Variants in SOX5 observed in about 807,000 individuals in gnomAD.
The protein encoded by SOX5 is transcription factor SOX-5.
In SOX5, 9 loss-of-function variants were observed where a neutral mutation model predicts 92.0. That is an observed-to-expected ratio of 0.10 (90% CI 0.06 to 0.17). The LOEUF (loss-of-function observed/expected upper bound fraction) is 0.17. Ranked by LOEUF, SOX5 falls within the 10% of genes least tolerant of loss-of-function variation. The probability of loss-of-function intolerance (pLI) is 1.00; values close to 1 mark genes in which losing one functional copy is unlikely to be tolerated. For synonymous variants in SOX5, 344 were observed against 336.3 expected (o/e 1.02, Z -0.25); for missense variants, 642 against 944.5 (o/e 0.68, Z 4.20).
chr12:23,575,167 G>C (rs1431560506), intron 10 of SOX5, among the ~76,000 whole-genome samples: 1 of 152,114 alleles, frequency 6.6e-6, no homozygotes, highest in African/African-American at 2.4e-5. Context: ...ATATAGAATT[G>C]AAGCTATCCA....
chr12:23,796,569 T>C (rs746387185), intron 3 of SOX5, among the ~76,000 whole-genome samples: 1 of 152,038 alleles, frequency 6.6e-6, no homozygotes, highest in Non-Finnish European at 1.5e-5. Flanking sequence ...CATATTCTAC[T>C]GGGCCTTACT....
chr12:24,439,495 C>A (rs932446382), intron 1 of SOX5, among the ~76,000 whole-genome samples: 1 of 152,206 alleles, frequency 6.6e-6, no homozygotes, highest in Non-Finnish European at 1.5e-5. Context: ...AATCTCATTT[C>A]ACTTTGTTCA....
intron 4 of SOX5, among the ~76,000 whole-genome samples, chr12:24,121,503 T>G (rs577144835): frequency 6.6e-6 from 1 of 151,648 alleles, no homozygotes; most frequent in Admixed American, 6.6e-5. Flanking sequence ...GTGAAATCAC[T>G]GATGCTTTAC....
intron 12 of SOX5, 21 bp downstream of exon 12, chr12:23,546,295 G>A (rs760130581): frequency 1.5e-6 from 2 of 1,339,258 alleles, no homozygotes; most frequent in South Asian, 1.2e-5. Context: ...ATTAGAATAT[G>A]TATGAACAAT....
intron 4 of SOX5, among the ~76,000 whole-genome samples, chr12:24,026,453 T>C (rs1041316142): frequency 6.6e-5 from 10 of 151,764 alleles, no homozygotes; most frequent in African/African-American, 1.9e-4. Flanking sequence ...ACCCTGGCTA[T>C]GAATGTTAAA....
intron 8 of SOX5, among the ~76,000 whole-genome samples, chr12:23,631,968 G>C (rs191263850): frequency 2.6e-5 from 4 of 152,062 alleles, no homozygotes; most frequent in African/African-American, 9.7e-5. Flanking sequence ...GGGGATTCTC[G>C]ACAAACTGCT....
intron 3 of SOX5, among the ~76,000 whole-genome samples, chr12:23,845,419 A>T (rs1407142327): frequency 1.3e-5 from 2 of 152,200 alleles, no homozygotes; most frequent in Non-Finnish European, 2.9e-5. Flanking sequence ...GAAGGTTCCT[A>T]TCAGGAACTA....
At chr12:24,130,899 T>C (rs536150160) in intron 4 of SOX5, among the ~76,000 whole-genome samples, 28 of 152,314 alleles carry the variant, frequency 1.8e-4, no homozygotes, top group African/African-American at 6.7e-4. Flanking sequence ...ACCAGCTCCA[T>C]ATTCCTACCT....
chr12:24,099,630 A>G (rs1945839494), intron 4 of SOX5, among the ~76,000 whole-genome samples: 1 of 152,124 alleles, frequency 6.6e-6, no homozygotes, highest in Admixed American at 6.6e-5. Flanking sequence ...GTTGGGGGAA[A>G]GGAAGCTTCA....
intron 6 of SOX5, among the ~76,000 whole-genome samples, chr12:23,719,801 A>AAAAC (rs1476838922): frequency 1.4e-4 from 21 of 150,036 alleles, no homozygotes; most frequent in African/African-American, 5.1e-4. Flanking sequence ...AAAAAAAAAA[A>AAAAC]AAAAAAAAAA....
chr12:24,476,868 A>G (rs562878399), intron 1 of SOX5, among the ~76,000 whole-genome samples: 2 of 152,148 alleles, frequency 1.3e-5, no homozygotes, highest in East Asian at 3.9e-4. Flanking sequence ...GTGATTTATA[A>G]GAATGAGAAT....
chr12:24,427,037 T>G (rs987845916), intron 1 of SOX5, among the ~76,000 whole-genome samples: 3 of 152,244 alleles, frequency 2.0e-5, no homozygotes, highest in Admixed American at 1.3e-4. Flanking sequence ...ATTATTTGTT[T>G]ACATGCCGTC....
intron 4 of SOX5, among the ~76,000 whole-genome samples, chr12:23,970,188 C>A (rs1182072555): frequency 6.6e-6 from 1 of 151,936 alleles, no homozygotes; most frequent in Non-Finnish European, 1.5e-5. Context: ...ATGACTCCTT[C>A]CCTCTTCACA....
At chr12:24,190,280 G>T (rs1255672061) in intron 4 of SOX5, among the ~76,000 whole-genome samples, 2 of 152,170 alleles carry the variant, frequency 1.3e-5, no homozygotes, top group Non-Finnish European at 2.9e-5. Context: ...CCAAACTCCA[G>T]AATGTCACTT....
At position 23,923,332 on chromosome 12, in the gene SOX5, T is replaced by TG. The variant is rs71059946; in HGVS notation, c.38+26231_38+26232insC. On this transcript the variant is annotated intron_variant, in intron 1 of 14. Coordinates refer to ENST00000451604, the MANE Select transcript of SOX5 (RefSeq NM_006940.6). ...ATGAATGAATGAATGAATGAATGAA[T>TG]ACGTAAAAGCATAATGTAAGCTAAT... is the stretch of plus-strand genomic sequence containing the variant. Among the ~76,000 whole-genome samples, 316 of 151,926 alleles carry TG rather than the reference T, an allele frequency of 2.1e-3. 2 individuals are homozygous for TG. In the Middle Eastern group the frequency reaches 0.024, roughly 11 times the overall value.
intron 1 of SOX5, among the ~76,000 whole-genome samples, chr12:23,913,500 G>A (rs183532620): frequency 2.7e-3 from 406 of 152,126 alleles, no homozygotes; most frequent in Admixed American, 5.4e-3. Flanking sequence ...TACTTTGGGA[G>A]GCCGAGGCAG....
At chr12:23,927,018 C>A (rs916744883) in intron 1 of SOX5, among the ~76,000 whole-genome samples, 1 of 152,004 alleles carries the variant, frequency 6.6e-6, no homozygotes, top group African/African-American at 2.4e-5. Context: ...AGATGATCTG[C>A]TAATACAAAT....
chr12:24,165,132 C>T (rs932192103), intron 4 of SOX5, among the ~76,000 whole-genome samples: 2 of 151,974 alleles, frequency 1.3e-5, no homozygotes, highest in African/African-American at 2.4e-5. Flanking sequence ...TGTGCATATG[C>T]CTAGTTAACA....
chr12:23,837,287 A>C (rs1311688465), intron 3 of SOX5, among the ~76,000 whole-genome samples: 1 of 100,986 alleles, frequency 9.9e-6, no homozygotes, highest in Non-Finnish European at 1.8e-5. Context: ...ATTTATATTT[A>C]TATTTATATA....
Sources: gnomAD v4.1 joint callset for allele counts (sites outside exome capture counted in the v4.1 genomes callset) on GRCh38, gnomAD v4.1.1 for gene constraint, MANE v1.5 for transcripts, NCBI Gene and HGNC (gene_info 2026-07-23, HGNC 2026-07-21) for gene names.